Variants in MED15 observed in about 807,000 individuals in gnomAD.
MED15 encodes mediator complex subunit 15.
In MED15, 41 loss-of-function variants were observed where a neutral mutation model predicts 118.7. That is an observed-to-expected ratio of 0.35 (90% confidence interval 0.27 to 0.45). The LOEUF (loss-of-function observed/expected upper bound fraction) is 0.45. MED15 is among the 20% of genes least tolerant of loss of function. MED15 has a pLI of 1.00. For missense variants in MED15, 740 were observed against 1,025.5 expected (o/e 0.72, Z 3.80); for synonymous variants, 436 against 413.9 (o/e 1.05, Z -0.65).
intron 5 of MED15, among the ~76,000 whole-genome samples, chr22:20,563,539 C>T (rs1168753277): frequency 6.6e-6 from 1 of 152,188 alleles, no homozygotes; most frequent in East Asian, 1.9e-4. Context: ...AGAGAGGTGG[C>T]AACACGAGGG....
At chr22:20,522,550 T>G (rs1321230362) in intron 1 of MED15, among the ~76,000 whole-genome samples, 1 of 152,198 alleles carries the variant, frequency 6.6e-6, no homozygotes, top group Non-Finnish European at 1.5e-5. Context: ...AATGCTCGTA[T>G]TCCGTGTGCA....
chr22:20,547,191 A>G (rs1444561965), intron 2 of MED15, among the ~76,000 whole-genome samples: 1 of 152,222 alleles, frequency 6.6e-6, no homozygotes, highest in Non-Finnish European at 1.5e-5. Context: ...TAGACTAAAC[A>G]TTTAAGATTA....
intron 5 of MED15, among the ~76,000 whole-genome samples, chr22:20,555,910 A>T (rs968491147): frequency 2.0e-5 from 3 of 152,174 alleles, no homozygotes; most frequent in Admixed American, 6.5e-5. Flanking sequence ...TTTTGTAGAG[A>T]TGGGACTTCA....
intron 2 of MED15, among the ~76,000 whole-genome samples, chr22:20,549,003 G>T (rs556632881): frequency 6.6e-6 from 1 of 152,152 alleles, no homozygotes; most frequent in Non-Finnish European, 1.5e-5. Context: ...GTCTTACTAT[G>T]TTGCCCAGGC....
chr22:20,581,576 G>A (rs929568342), intron 9 of MED15, among the ~76,000 whole-genome samples: 1 of 152,132 alleles, frequency 6.6e-6, no homozygotes, highest in African/African-American at 2.4e-5. Flanking sequence ...TGTGGGAAAT[G>A]TAGCAGGGCC....
Position 20,584,292 on chromosome 22 carries a change from T to C in MED15, c.1737-67T>C. On this transcript the variant is annotated intron_variant, in intron 13 of 17. Transcript: ENST00000263205. The stretch of plus-strand genomic sequence containing the variant: ...GATGGCTGAGGCCCAGTGGCAGTAG[T>C]TGGGATCCTGAGCCTGAGAACTGCC... The C allele has an allele frequency of 9.2e-6, 14 of 1,524,768 alleles. No homozygotes were observed. In the South Asian group the frequency reaches 1.6e-4, roughly 17 times the overall value. 94.5% of individuals were successfully genotyped at this position (1,524,768 alleles called of 1,614,324 possible). A position where few individuals can be genotyped will look rare whatever the true frequency, so the allele number is the denominator to read the frequency against.
intron 8 of MED15, among the ~76,000 whole-genome samples, chr22:20,573,044 C>T (rs2146629679): frequency 6.6e-6 from 1 of 151,612 alleles, no homozygotes; most frequent in African/African-American, 2.4e-5. Flanking sequence ...TCTCAGCTCA[C>T]TGCAGTCTCC....
At chr22:20,577,382 A>G (rs764704788) in intron 9 of MED15, among the ~76,000 whole-genome samples, 10 of 151,176 alleles carry the variant, frequency 6.6e-5, no homozygotes, top group Non-Finnish European at 1.3e-4. Flanking sequence ...TTCCACCTAG[A>G]CTTCTCACAG....
chr22:20,509,036 G>A (rs1233906239), intron 1 of MED15, among the ~76,000 whole-genome samples: 1 of 152,096 alleles, frequency 6.6e-6, no homozygotes, highest in Non-Finnish European at 1.5e-5. Context: ...AATAAATTGA[G>A]TCCTAGAAAG....
chr22:20,541,239 A>G (rs1018488824), intron 2 of MED15, among the ~76,000 whole-genome samples: 9 of 152,294 alleles, frequency 5.9e-5, no homozygotes, highest in African/African-American at 2.2e-4. Flanking sequence ...ACTCCGTCTC[A>G]AAAAATAAAT....
chr22:20,585,066 G>A lies in MED15; in HGVS notation c.1965-35G>A, dbSNP rs756194836. On this transcript the variant is annotated intron_variant, in intron 15 of 17. Coordinates refer to ENST00000263205, the MANE Select transcript of MED15 (RefSeq NM_001003891.3). ...CGGAGGGCGGCCAGCCCTGGGCCGC[G>A]TGTGCCAGGTGTGGTCACCATGCCG... 3.2e-5 allele frequency: 52 copies of A among 1,613,220 alleles called. No individual in the cohort carries two copies. In the East Asian group the frequency reaches 6.5e-4, roughly 20 times the overall value.
intron 1 of MED15, among the ~76,000 whole-genome samples, chr22:20,508,820 C>G (rs933805461): frequency 6.6e-6 from 1 of 152,224 alleles, no homozygotes; most frequent in African/African-American, 2.4e-5. Context: ...CTGGCCTGGG[C>G]TCAGAGGCCT....
intron 5 of MED15, among the ~76,000 whole-genome samples, chr22:20,558,465 G>A (rs1246308941): frequency 1.3e-5 from 2 of 152,172 alleles, no homozygotes; most frequent in African/African-American, 4.8e-5. Flanking sequence ...GCAGTACAGA[G>A]TTGGAAGCAA....
At chr22:20,518,611 G>C (rs578191558) in intron 1 of MED15, among the ~76,000 whole-genome samples, 67 of 152,194 alleles carry the variant, frequency 4.4e-4, no homozygotes, top group Non-Finnish European at 7.1e-4. Context: ...CAACAGCATT[G>C]GAAATTCCTT....
At position 20,524,941 on chromosome 22, in the gene MED15, G is replaced by C. The variant is rs1013229015; in HGVS notation, c.69-12176G>C. Among the ~76,000 whole-genome samples the C allele has an allele frequency of 8.5e-5, 13 of 152,226 alleles. No individual in the cohort carries two copies. The East Asian group carries it at 2.1e-3, about 25-fold the overall frequency. ...TGGCAATTTTTTGAGACGCTCCTGGGGGTCCAAATTGCTAATAGAGGAGAA... is the reference window on the plus strand; with the variant it reads ...TGGCAATTTTTTGAGACGCTCCTGGCGGTCCAAATTGCTAATAGAGGAGAA... On this transcript the variant is annotated intron_variant, in intron 1 of 17. Coordinates refer to ENST00000263205, the MANE Select transcript of MED15 (RefSeq NM_001003891.3).
rs1265667886 is a variant in MED15, at chr22:20,563,738, A to G, written c.452-712A>G. 5.3e-5 allele frequency among the ~76,000 whole-genome samples: 8 copies of G among 152,248 alleles called. 1 individual carries two copies. The highest frequency in any genetic ancestry group is 1.2e-4 in the Non-Finnish European group (8 of 68,038). ...GGCAAAGTATACAAAGGATCTCTCTATATTTCTTTAATACAGCTTTATTGA... is the reference window on the plus strand; with the variant it reads ...GGCAAAGTATACAAAGGATCTCTCTGTATTTCTTTAATACAGCTTTATTGA... On this transcript the variant is annotated intron_variant, in intron 5 of 17. Transcript: ENST00000263205.
At chr22:20,583,650 C>T (rs1048896727) in intron 13 of MED15, 1 of 488,668 alleles carries the variant, frequency 2.0e-6, no homozygotes, top group East Asian at 3.6e-5. Context: ...AGACCTCATC[C>T]AGTCAGCAGC....
At chr22:20,551,036 A>G (rs1016630111) in intron 2 of MED15, 18 of 452,218 alleles carry the variant, frequency 4.0e-5, no homozygotes, top group South Asian at 2.3e-4. Flanking sequence ...AGATAGTGCA[A>G]AGACACAGCG....
chr22:20,516,576 C>T (rs886940352), intron 1 of MED15, among the ~76,000 whole-genome samples: 1 of 152,102 alleles, frequency 6.6e-6, no homozygotes, highest in South Asian at 2.1e-4. Context: ...TGACATCCAC[C>T]CTGACCAGAG....
Sources: allele counts gnomAD v4.1 joint callset (sites outside exome capture counted in the v4.1 genomes callset), GRCh38; gene constraint gnomAD v4.1.1; transcripts MANE v1.5; gene names NCBI Gene and HGNC (gene_info 2026-07-23, HGNC 2026-07-21).